The following PRKCZ variants were observed in gnomAD, a reference collection of about 807,000 sequenced individuals.
PRKCZ encodes the protein protein kinase C zeta.
In PRKCZ, 33 loss-of-function variants were observed where a neutral mutation model predicts 79.5. The ratio of observed to expected loss-of-function variants is 0.41; its 90% CI spans 0.31 to 0.55. The LOEUF (loss-of-function observed/expected upper bound fraction) is 0.55. PRKCZ is among the 20% of genes least tolerant of loss of function. The pLI is 0.19. For synonymous variants in PRKCZ, 342 were observed against 320.9 expected (o/e 1.07, Z -0.70); for missense variants, 578 against 813.5 (o/e 0.71, Z 3.52).
Position 2,050,563 on chromosome 1 carries a change from A to C in PRKCZ, c.-68A>C, listed in dbSNP as rs1425463913. On this transcript the variant is annotated 5_prime_UTR_variant, in exon 1 of 18. Coordinates refer to ENST00000378567, the MANE Select transcript of PRKCZ (RefSeq NM_002744.6). ...CGCGTTCCGCCGCGGCCCCACCTGG[A>C]GCCCCCGCCCCGCGCCATGGCCGGA... is the stretch of plus-strand genomic sequence containing the variant. 1.9e-6 allele frequency: 2 copies of C among 1,037,164 alleles called. No homozygotes were observed. Among genetic ancestry groups the C allele is most frequent in the Non-Finnish European group, 2.4e-6 (2 of 816,930 alleles). The allele number at this position is 1,037,164 out of a possible 1,614,324, so 64.2% of individuals were successfully genotyped here. A position where few individuals can be genotyped will look rare whatever the true frequency, so the allele number is the denominator to read the frequency against.
intron 4 of PRKCZ, among the ~76,000 whole-genome samples, chr1:2,104,542 A>G (rs1668033646): frequency 6.6e-6 from 1 of 152,050 alleles, no homozygotes. Flanking sequence ...AGTGGCGCGA[A>G]TGGTGGGAAG....
intron 10 of PRKCZ, among the ~76,000 whole-genome samples, chr1:2,160,594 T>G (rs1682050212): frequency 6.6e-6 from 1 of 152,130 alleles, no homozygotes; most frequent in Non-Finnish European, 1.5e-5. Context: ...GCCCCAGGGA[T>G]TCTCAGTGCA....
chr1:2,172,306 C>A lies in PRKCZ; in HGVS notation c.1203C>A (p.Gly401=). The change falls in exon 13 of 18, where the codon GGC becomes GGA. Residue 401 remains glycine (G), a synonymous_variant. Coordinates refer to ENST00000378567, the MANE Select transcript of PRKCZ (RefSeq NM_002744.6). This position sits in a 1 kb window ranked among gnomAD's most constrained non-coding sequence, Gnocchi z 7.8. ...CAGTAACTTTGCCCCCACAGGAAGGCCTGGGCCCTGGTGACACAACGAGCA... is the reference window on the plus strand; with the variant it reads ...CAGTAACTTTGCCCCCACAGGAAGGACTGGGCCCTGGTGACACAACGAGCA... ...KLTDYGMCKE[G]LGPGDTTSTF... 1 of 1,613,614 alleles carries A rather than the reference C, an allele frequency of 6.2e-7. No individual in the cohort carries two copies. Among genetic ancestry groups the A allele is most frequent in the Non-Finnish European group, 8.5e-7 (1 of 1,180,010 alleles).
At chr1:2,110,854 C>T (rs1417459213) in intron 4 of PRKCZ, among the ~76,000 whole-genome samples, 2 of 151,932 alleles carry the variant, frequency 1.3e-5, no homozygotes, top group Non-Finnish European at 2.9e-5. Flanking sequence ...GGGCTGGTGA[C>T]AGTGGACTCT....
At chr1:2,109,991 C>A (rs554347935) in intron 4 of PRKCZ, among the ~76,000 whole-genome samples, 1 of 152,188 alleles carries the variant, frequency 6.6e-6, no homozygotes, top group Non-Finnish European at 1.5e-5. Context: ...TCTGGGCAAG[C>A]GGAGGAGCCG....
chr1:2,088,728 C>G (rs1664963339), intron 4 of PRKCZ, among the ~76,000 whole-genome samples: 1 of 152,170 alleles, frequency 6.6e-6, no homozygotes, highest in African/African-American at 2.4e-5. Context: ...GCCTGGAGGC[C>G]CCTCCCAGGC....
At position 2,112,250 on chromosome 1, in the gene PRKCZ, C is replaced by T. The variant is rs989843321; in HGVS notation, c.335-23012C>T. On this transcript the variant is annotated intron_variant, in intron 4 of 17. Coordinates refer to ENST00000378567, the MANE Select transcript of PRKCZ (RefSeq NM_002744.6). ...ATTGCTCATAAAACACAGTGTTTGA[C>T]GTTTATGTGTAGACATGATCCTTAT... Among the ~76,000 whole-genome samples, 5 of 152,204 alleles carry T rather than the reference C, an allele frequency of 3.3e-5. No individual in the cohort carries two copies. The South Asian group carries it at 8.3e-4, about 25-fold the overall frequency.
At chr1:2,151,886 A>G (rs1357346853) in intron 9 of PRKCZ, among the ~76,000 whole-genome samples, 1 of 151,940 alleles carries the variant, frequency 6.6e-6, no homozygotes, top group Non-Finnish European at 1.5e-5. Context: ...AGGGCAGAGC[A>G]TGATCACGGT....
chr1:2,056,986 C>G (rs1053853545), intron 3 of PRKCZ, among the ~76,000 whole-genome samples: 2 of 152,188 alleles, frequency 1.3e-5, no homozygotes, highest in Non-Finnish European at 2.9e-5. Context: ...CCTCAGCCTC[C>G]CAAAGTGCTG....
In PRKCZ at chr1:2,077,066, A is replaced by G. The variant is rs1187213056; in HGVS notation, c.334+17475A>G. On this transcript the variant is annotated intron_variant, in intron 4 of 17. Transcript: ENST00000378567. ...CCCCTGAGAGAGGATCAGAGTCAGG[A>G]GAGGCGAGACACCAAGTTGACACGA... is the stretch of plus-strand genomic sequence containing the variant. Among the ~76,000 whole-genome samples, 7 of 152,166 alleles carry G rather than the reference A, an allele frequency of 4.6e-5. No homozygotes were observed. In the East Asian group the frequency reaches 1.4e-3, roughly 29 times the overall value.
chr1:2,118,739 G>GTGTGTGTGTGTGTGTT (rs1553153094), intron 4 of PRKCZ, among the ~76,000 whole-genome samples: 2 of 148,618 alleles, frequency 1.3e-5, no homozygotes, highest in Admixed American at 1.3e-4. Flanking sequence ...GTGTGTGTGT[G>GTGTGTGTGTGTGTGTT]TGTGTGTGTG....
At chr1:2,135,227 G>A (rs368090954) in intron 4 of PRKCZ, 35 bp from the exon 5 acceptor site, 98 of 1,574,222 alleles carry the variant, frequency 6.2e-5, no homozygotes, top group Admixed American at 1.9e-4. Context: ...TGGCTGCCAC[G>A]CTGTTTCTTT....
intron 4 of PRKCZ, chr1:2,133,879 C>T (rs1675591327): frequency 6.6e-6 from 1 of 152,306 alleles, no homozygotes; most frequent in African/African-American, 2.4e-5. Flanking sequence ...TGCGCCCTGT[C>T]TTCGTGGGTA....
chr1:2,056,366 C>A, intron 2 of PRKCZ, 118 bp from the exon 3 acceptor site: 2 of 910,958 alleles, frequency 2.2e-6, no homozygotes, highest in South Asian at 1.9e-5. Context: ...GGTGGCCAGT[C>A]TGAGCATCGG....
intron 4 of PRKCZ, among the ~76,000 whole-genome samples, chr1:2,066,642 C>T (rs535285367): frequency 7.9e-5 from 12 of 152,314 alleles, no homozygotes; most frequent in African/African-American, 2.6e-4. Flanking sequence ...GCGCCCGGCC[C>T]TGCTCTCATC....
In PRKCZ at chr1:2,184,557, G is replaced by A. The variant is rs751681990; in HGVS notation, c.1576-26G>A. The A allele has an allele frequency of 4.4e-6, 7 of 1,595,286 alleles. No individual in the cohort carries two copies. The South Asian group carries it at 6.7e-5, about 15-fold the overall frequency. ...GTAGGGATGATGCCCGCGCGGAGCTGACCCTTCTCCTATTGTTTTTCCAAG... is the reference window on the plus strand; with the variant it reads ...GTAGGGATGATGCCCGCGCGGAGCTAACCCTTCTCCTATTGTTTTTCCAAG... On this transcript the variant is annotated intron_variant, in intron 16 of 17. Coordinates refer to ENST00000378567, the MANE Select transcript of PRKCZ (RefSeq NM_002744.6).
At chr1:2,076,958 C>T (rs966779619) in intron 4 of PRKCZ, among the ~76,000 whole-genome samples, 1 of 152,164 alleles carries the variant, frequency 6.6e-6, no homozygotes, top group Non-Finnish European at 1.5e-5. Context: ...TCGGGACTGG[C>T]TGCTTCTCTG....
chr1:2,061,549 CTTGAGATGTT>C lies in PRKCZ; in HGVS notation c.334+1960_334+1969del, dbSNP rs1419907688. Among the ~76,000 whole-genome samples the C allele has an allele frequency of 3.3e-5, 5 of 152,140 alleles. No individual in the cohort carries two copies. The South Asian group carries it at 6.2e-4, about 19-fold the overall frequency. ...ACCTCCTGGGACACGTGAGTAGGTC[CTTGAGATGTT>C]TACCAGGGGTGGCTCCACGGCTTCG... is the stretch of plus-strand genomic sequence containing the variant. On this transcript the variant is annotated intron_variant, in intron 4 of 17. Transcript: ENST00000378567.
chr1:2,161,371 G>A (rs1183457920), intron 10 of PRKCZ, among the ~76,000 whole-genome samples: 5 of 152,256 alleles, frequency 3.3e-5, no homozygotes, highest in African/African-American at 1.2e-4. Flanking sequence ...AGGAGCCAGG[G>A]GCTTGGTTTG....
Sources: gnomAD v4.1 joint callset for allele counts (sites outside exome capture counted in the v4.1 genomes callset) on GRCh38, gnomAD v4.1.1 for gene constraint, Gnocchi (gnomAD v3.1) non-coding constraint, MANE v1.5 for transcripts, NCBI Gene and HGNC (gene_info 2026-07-23, HGNC 2026-07-21) for gene names.